ABCB5: variants seen among roughly 807,000 people sequenced by gnomAD.
ABCB5 encodes ATP binding cassette subfamily B member 5.
Under a neutral mutation model 144.2 loss-of-function variants are expected in ABCB5, and 155 were observed. The ratio of observed to expected loss-of-function variants is 1.08; its 90% CI spans 0.94 to 1.23. The LOEUF is 1.23. Ranked by LOEUF, ABCB5 falls within the 50% of genes most tolerant of loss-of-function variation. The pLI is 0.00. For synonymous variants in ABCB5, 610 were observed against 528.6 expected (o/e 1.15, Z -2.11); for missense variants, 1,830 against 1,520.8 (o/e 1.20, Z -3.38).
intron 5 of ABCB5, among the ~76,000 whole-genome samples, chr7:20,636,752 T>G (rs1028199928): frequency 1.7e-4 from 21 of 122,300 alleles, no homozygotes; most frequent in African/African-American, 6.3e-4. Context: ...ACCACTGCAC[T>G]CAAGCCTCGG....
chr7:20,618,095 A>G (rs1180701429), intron 1 of ABCB5, among the ~76,000 whole-genome samples: 7 of 152,230 alleles, frequency 4.6e-5, no homozygotes, highest in Non-Finnish European at 1.0e-4. Context: ...AAGATGTACA[A>G]TTCAAAAGTT....
intron 23 of ABCB5, among the ~76,000 whole-genome samples, chr7:20,737,042 C>A (rs536976698): frequency 2.1e-4 from 32 of 152,168 alleles, no homozygotes; most frequent in Middle Eastern, 3.4e-3. Flanking sequence ...TGCCTGTAAT[C>A]CCAGCTTCAG....
At chr7:20,714,097 G>A (rs1781588291) in intron 20 of ABCB5, among the ~76,000 whole-genome samples, 1 of 152,000 alleles carries the variant, frequency 6.6e-6, no homozygotes, top group Non-Finnish European at 1.5e-5. Context: ...GAAAACCACT[G>A]GTTCATGTAT....
intron 20 of ABCB5, among the ~76,000 whole-genome samples, chr7:20,717,348 C>T (rs1383204279): frequency 6.6e-6 from 1 of 152,002 alleles, no homozygotes; most frequent in Non-Finnish European, 1.5e-5. Flanking sequence ...GGTTTTACTC[C>T]GAGGGCCTTG....
chr7:20,627,809 A>G (rs562342675), intron 3 of ABCB5, among the ~76,000 whole-genome samples: 1 of 152,332 alleles, frequency 6.6e-6, no homozygotes, highest in African/African-American at 2.4e-5. Flanking sequence ...TAGCCATGAC[A>G]TTGCCATGAT....
intron 20 of ABCB5, among the ~76,000 whole-genome samples, chr7:20,716,795 T>C (rs1439421847): frequency 6.6e-6 from 1 of 152,158 alleles, no homozygotes; most frequent in Non-Finnish European, 1.5e-5. Flanking sequence ...CTGGACAATC[T>C]AGGAGTTCAT....
At position 20,710,437 on chromosome 7, in the gene ABCB5, T is replaced by C. The variant is rs573019159; in HGVS notation, c.2421+5630T>C. Among the ~76,000 whole-genome samples the C allele has an allele frequency of 9.9e-4, 143 of 144,544 alleles. 7 individuals are homozygous for C. Among genetic ancestry groups the C allele is most frequent in the African/African-American group, 3.5e-3 (135 of 38,854 alleles). 94.8% of individuals were successfully genotyped at this position (144,544 alleles called of 152,430 possible). On this transcript the variant is annotated intron_variant, in intron 20 of 27. Coordinates refer to ENST00000404938, the MANE Select transcript of ABCB5 (RefSeq NM_001163941.2). The stretch of plus-strand genomic sequence containing the variant: ...AAACTTTATTTACAGACACTGAAAT[T>C]TGAATTGCATACCACTTTTACATGA...
At chr7:20,660,671 A>C (rs1784973424) in intron 14 of ABCB5, among the ~76,000 whole-genome samples, 1 of 152,134 alleles carries the variant, frequency 6.6e-6, no homozygotes, top group South Asian at 2.1e-4. Flanking sequence ...CTCATTCCTG[A>C]TCAGCTGTCT....
At position 20,651,600 on chromosome 7, in the gene ABCB5, G is replaced by C; in HGVS notation, c.1513G>C (p.Asp505His). 1 of 1,614,100 alleles carries C rather than the reference G, an allele frequency of 6.2e-7. No homozygotes were observed. Among genetic ancestry groups the C allele is most frequent in the African/African-American group, 1.3e-5 (1 of 75,044 alleles). Residue 505 changes from aspartate to histidine, a missense_variant, in exon 13 of 28, where the codon GAT (aspartate) becomes CAT (histidine). Physicochemically the swap from Asp to His is moderately conservative, Grantham distance 81. Transcript: ENST00000404938. ...AGCAGCAAGGGAAGCAAATGCGTAT[G>C]ATTTTATCATGGAGTTTCCTAATGT... is the stretch of plus-strand genomic sequence containing the variant. ...ERAAREANAY[D>H]FIMEFPNKFN...
At chr7:20,641,981 T>C (rs1489311932) in intron 5 of ABCB5, 1 of 152,276 alleles carries the variant, frequency 6.6e-6, no homozygotes, top group Non-Finnish European at 1.5e-5. Flanking sequence ...CTGCTTCTTT[T>C]CATGTAGGCC....
At position 20,645,790 on chromosome 7, in the gene ABCB5, C is replaced by A; in HGVS notation, c.713C>A (p.Ala238Asp). 1 of 1,613,758 alleles carries A rather than the reference C, an allele frequency of 6.2e-7. No homozygotes were observed. Among genetic ancestry groups the A allele is most frequent in the Non-Finnish European group, 8.5e-7 (1 of 1,179,722 alleles). ...VISLTSKELS[A>D]YSKAGAVAEE... ...TCATTGACCAGTAAGGAATTAAGTG[C>A]CTATTCCAAAGCTGGGGCTGTGGCA... Residue 238 changes from alanine to aspartate, a missense_variant, in exon 8 of 28, where the codon GCC becomes GAC. Transcript: ENST00000404938.
At chr7:20,717,134 G>A (rs567338291) in intron 20 of ABCB5, among the ~76,000 whole-genome samples, 15 of 152,200 alleles carry the variant, frequency 9.9e-5, no homozygotes, top group Non-Finnish European at 1.8e-4. Flanking sequence ...AGAACTTAAG[G>A]TCCACAGCAT....
intron 11 of ABCB5, among the ~76,000 whole-genome samples, chr7:20,648,926 C>A (rs1232234132): frequency 6.6e-6 from 1 of 152,114 alleles, no homozygotes; most frequent in Non-Finnish European, 1.5e-5. Context: ...TTTTTCTTAA[C>A]TGTACAGTAT....
intron 4 of ABCB5, among the ~76,000 whole-genome samples, 199 bp downstream of exon 4, chr7:20,629,037 A>AAAAT (rs201079745): frequency 0.036 from 5,531 of 152,084 alleles, 130 homozygotes; most frequent in Non-Finnish European, 0.053. Context: ...TAATTGAATT[A>AAAAT]AAATAAATAA....
At chr7:20,692,464 C>T (rs190421559) in intron 16 of ABCB5, among the ~76,000 whole-genome samples, 32 of 151,338 alleles carry the variant, frequency 2.1e-4, no homozygotes, top group Non-Finnish European at 4.3e-4. Flanking sequence ...ACTACCAGCA[C>T]ACCTACACTA....
At chr7:20,691,061 T>G (rs1786206069) in intron 16 of ABCB5, among the ~76,000 whole-genome samples, 1 of 151,300 alleles carries the variant, frequency 6.6e-6, no homozygotes, top group Admixed American at 6.6e-5. Flanking sequence ...GTGATCTCTG[T>G]GGAAGGAGAA....
At chr7:20,707,181 T>C (rs1786852114) in intron 20 of ABCB5, among the ~76,000 whole-genome samples, 1 of 152,228 alleles carries the variant, frequency 6.6e-6, no homozygotes, top group African/African-American at 2.4e-5. Flanking sequence ...TTTTATTCTA[T>C]CAAATATATT....
At chr7:20,664,711 TTTACTCTTCTTACCCAC>T (rs1329412322) in intron 14 of ABCB5, among the ~76,000 whole-genome samples, 1 of 91,532 alleles carries the variant, frequency 1.1e-5, no homozygotes, top group Admixed American at 1.0e-4. Context: ...TTACCCACCA[TTTACTCTTCTTACCCAC>T]CATTTACTTC....
intron 21 of ABCB5, among the ~76,000 whole-genome samples, chr7:20,723,859 A>G (rs1338855873): frequency 2.6e-5 from 4 of 152,248 alleles, no homozygotes; most frequent in Admixed American, 6.5e-5. Flanking sequence ...AGACAGGACC[A>G]TAAATGACCA....
Sources: gnomAD v4.1 joint callset for allele counts (sites outside exome capture counted in the v4.1 genomes callset) on GRCh38, gnomAD v4.1.1 for gene constraint, MANE v1.5 for transcripts, NCBI Gene and HGNC (gene_info 2026-07-23, HGNC 2026-07-21) for gene names.